TMEM243: variants seen among roughly 807,000 people sequenced by gnomAD.
The protein encoded by TMEM243 is transmembrane protein 243.
In TMEM243, 20 loss-of-function variants were observed where a neutral mutation model predicts 15.0. The observed-to-expected ratio is 1.33, with a 90% CI of 0.94 to 1.93. The LOEUF (loss-of-function observed/expected upper bound fraction) is 1.93. Ranked by LOEUF, TMEM243 falls within the 30% of genes most tolerant of loss-of-function variation. The pLI is 0.00. For synonymous variants in TMEM243, 72 were observed against 52.7 expected (o/e 1.37, Z -1.59); for missense variants, 156 against 142.1 (o/e 1.10, Z -0.50).
chr7:87,196,452 A>T lies in TMEM243; in HGVS notation c.*184T>A. 1 of 552,244 alleles carries T rather than the reference A, an allele frequency of 1.8e-6. No homozygotes were observed. The highest frequency in any genetic ancestry group is 3.0e-6 in the Non-Finnish European group (1 of 333,302). The allele number at this position is 552,244 out of a possible 1,614,324, so 34.2% of individuals were successfully genotyped here. A position where few individuals can be genotyped will look rare whatever the true frequency, so the allele number is the denominator to read the frequency against. ...TGTTTAGGTGCAACATCAGCTCCTTAAAGAAAAAGCAAAGTGATCTAGGAT... is the reference window on the plus strand; with the variant it reads ...TGTTTAGGTGCAACATCAGCTCCTTTAAGAAAAAGCAAAGTGATCTAGGAT... On this transcript the variant is annotated 3_prime_UTR_variant, in exon 4 of 4. Transcript: ENST00000257637.
In TMEM243 at chr7:87,196,322, T is replaced by C. The variant is rs532749998; in HGVS notation, c.*314A>G. On this transcript the variant is annotated 3_prime_UTR_variant, in exon 4 of 4. Transcript: ENST00000257637. The stretch of plus-strand genomic sequence containing the variant: ...TAACAGAAATAAAAGAATATTTGTC[T>C]TAAGATGCAAGATTTGTTTTTACAT... 1 of 217,210 alleles carries C rather than the reference T, an allele frequency of 4.6e-6. No homozygotes were observed. Among genetic ancestry groups the C allele is most frequent in the East Asian group, 1.2e-4 (1 of 8,032 alleles). 13.5% of individuals were successfully genotyped at this position (217,210 alleles called of 1,614,324 possible). A position where few individuals can be genotyped will look rare whatever the true frequency, so the allele number is the denominator to read the frequency against.
chr7:87,211,586 G>A (rs1342547011), intron 1 of TMEM243, among the ~76,000 whole-genome samples: 2 of 152,216 alleles, frequency 1.3e-5, no homozygotes, highest in Non-Finnish European at 2.9e-5. Context: ...TGAAAGCTGT[G>A]TAAGTGGCCC....
At chr7:87,206,176 T>C (rs1802204090) in intron 1 of TMEM243, among the ~76,000 whole-genome samples, 1 of 151,972 alleles carries the variant, frequency 6.6e-6, no homozygotes, top group Non-Finnish European at 1.5e-5. Flanking sequence ...GATTCAATTA[T>C]CTCCCACCGG....
chr7:87,202,141 G>C (rs1801861571), intron 1 of TMEM243, among the ~76,000 whole-genome samples: 1 of 152,182 alleles, frequency 6.6e-6, no homozygotes, highest in African/African-American at 2.4e-5. Flanking sequence ...TAATTCAGAT[G>C]CAAATACAAA....
rs1478829772 is a variant in TMEM243, at chr7:87,197,689, T to A, written c.234+252A>T. The A allele has an allele frequency of 1.3e-5, 10 of 750,774 alleles. No homozygotes were observed. In the African/African-American group the frequency reaches 2.3e-4, roughly 17 times the overall value. 46.5% of individuals were successfully genotyped at this position (750,774 alleles called of 1,614,324 possible). On this transcript the variant is annotated intron_variant, in intron 3 of 3. Coordinates refer to ENST00000257637, the MANE Select transcript of TMEM243 (RefSeq NM_024315.4). ...TTGGCCACCTACGTCTTTCCACTAATTTTTTTTTTTTTTTTTTTTTTTTTT... is the reference window on the plus strand; with the variant it reads ...TTGGCCACCTACGTCTTTCCACTAAATTTTTTTTTTTTTTTTTTTTTTTTT...
chr7:87,210,211 G>C (rs768208594), intron 1 of TMEM243, among the ~76,000 whole-genome samples: 1 of 152,060 alleles, frequency 6.6e-6, no homozygotes, highest in African/African-American at 2.4e-5. Context: ...ACCTGATCAC[G>C]TCCCTCCCTG....
chr7:87,197,766 TAGGAGAAA>T, intron 3 of TMEM243, 167 bp downstream of exon 3: 1 of 1,428,674 alleles, frequency 7.0e-7, no homozygotes, highest in South Asian at 1.5e-5. Context: ...CTTTGGGATT[TAGGAGAAA>T]AGGAGAAGAC....
At chr7:87,217,422 A>G (rs1282201408) in intron 1 of TMEM243, among the ~76,000 whole-genome samples, 1 of 152,160 alleles carries the variant, frequency 6.6e-6, no homozygotes, top group Admixed American at 6.5e-5. Context: ...CTACCCTTTC[A>G]CTATTGAGGC....
intron 1 of TMEM243, among the ~76,000 whole-genome samples, chr7:87,205,075 T>G (rs1412294489): frequency 6.6e-6 from 1 of 152,232 alleles, no homozygotes; most frequent in Admixed American, 6.5e-5. Context: ...AGTCATGCCC[T>G]GAGCTGTACC....
At chr7:87,210,890 C>T (rs1053657516) in intron 1 of TMEM243, among the ~76,000 whole-genome samples, 1 of 152,244 alleles carries the variant, frequency 6.6e-6, no homozygotes, top group Non-Finnish European at 1.5e-5. Flanking sequence ...GCCTTCTGTG[C>T]ACCCACAGAC....
intron 1 of TMEM243, among the ~76,000 whole-genome samples, chr7:87,206,772 AACT>A (rs1802252658): frequency 6.6e-6 from 1 of 152,234 alleles, no homozygotes; most frequent in South Asian, 2.1e-4. Flanking sequence ...AATTAGTGGG[AACT>A]ACTACACTTG....
chr7:87,198,105 A>G, intron 2 of TMEM243, 60 bp from the exon 3 acceptor site: 1 of 1,416,300 alleles, frequency 7.1e-7, no homozygotes, highest in South Asian at 1.3e-5. Flanking sequence ...GTAATTACCA[A>G]CTGGAGTCTA....
intron 1 of TMEM243, among the ~76,000 whole-genome samples, chr7:87,209,794 G>A (rs1222954136): frequency 1.3e-5 from 2 of 148,178 alleles, no homozygotes; most frequent in Non-Finnish European, 3.0e-5. Context: ...CAGTGAGAGC[G>A]AGACAGAGCG....
chr7:87,208,276 C>G (rs1479781529), intron 1 of TMEM243, among the ~76,000 whole-genome samples: 1 of 152,190 alleles, frequency 6.6e-6, no homozygotes, highest in East Asian at 1.9e-4. Context: ...TTAGTTACTT[C>G]CTAGATACAA....
intron 1 of TMEM243, 61 bp downstream of exon 1, chr7:87,219,365 G>A: frequency 5.2e-6 from 8 of 1,552,172 alleles, no homozygotes; most frequent in Non-Finnish European, 7.1e-6. Flanking sequence ...CCCGGACTCC[G>A]CCAGAGGGCA....
Position 87,219,698 on chromosome 7 carries a change from G to C in TMEM243, c.-195C>G, listed in dbSNP as rs1803366095. Reference sequence around the variant, plus strand: ...CGCGACTGCTCCGCCCCGGCCCCGCGCACCTCCTCATCTTGAGCAGCTGCC... The same window carrying C: ...CGCGACTGCTCCGCCCCGGCCCCGCCCACCTCCTCATCTTGAGCAGCTGCC... On this transcript the variant is annotated 5_prime_UTR_variant, in exon 1 of 4. Coordinates refer to ENST00000257637, the MANE Select transcript of TMEM243 (RefSeq NM_024315.4). 3.4e-6 allele frequency: 2 copies of C among 593,208 alleles called. No homozygotes were observed. The highest frequency in any genetic ancestry group is 6.0e-6 in the Non-Finnish European group (2 of 334,022). 36.7% of individuals were successfully genotyped at this position (593,208 alleles called of 1,614,324 possible).
rs1803369496 is a variant in TMEM243, at chr7:87,219,728, G to A, written c.-225C>T. The A allele has an allele frequency of 1.8e-6, 1 of 567,784 alleles. No homozygotes were observed. The highest frequency in any genetic ancestry group is 3.1e-6 in the Non-Finnish European group (1 of 320,712). 35.2% of individuals were successfully genotyped at this position (567,784 alleles called of 1,614,324 possible). A position where few individuals can be genotyped will look rare whatever the true frequency, so the allele number is the denominator to read the frequency against. The stretch of plus-strand genomic sequence containing the variant: ...TCCTCATCTTGAGCAGCTGCCGCAG[G>A]AAGTGAAAGGAAACAAACACTGCGT... On this transcript the variant is annotated 5_prime_UTR_variant, in exon 1 of 4. Transcript: ENST00000257637.
intron 1 of TMEM243, among the ~76,000 whole-genome samples, chr7:87,212,699 C>T (rs193082418): frequency 6.6e-6 from 1 of 152,304 alleles, no homozygotes; most frequent in Admixed American, 6.5e-5. Flanking sequence ...TAAACAGTCC[C>T]TGCCTTCTAC....
chr7:87,201,637 T>G (rs1348563505), intron 1 of TMEM243, among the ~76,000 whole-genome samples: 1 of 152,222 alleles, frequency 6.6e-6, no homozygotes, highest in Admixed American at 6.5e-5. Context: ...GGGAATAATA[T>G]GCTCCAAATT....
Sources: allele counts gnomAD v4.1 joint callset (sites outside exome capture counted in the v4.1 genomes callset), GRCh38; gene constraint gnomAD v4.1.1; transcripts MANE v1.5; gene names NCBI Gene and HGNC (gene_info 2026-07-23, HGNC 2026-07-21).